The following SOX5 variants were observed in gnomAD, a reference collection of about 807,000 sequenced individuals.
SOX5 encodes the protein transcription factor SOX-5.
A neutral mutation model predicts 92.0 loss-of-function variants in SOX5; 9 were observed. The ratio of observed to expected loss-of-function variants is 0.10; its 90% CI spans 0.06 to 0.17. The LOEUF is 0.17. SOX5 is among the 10% of genes least tolerant of loss of function. SOX5 has a pLI of 1.00. For missense variants in SOX5, 642 were observed against 944.5 expected, an observed-to-expected ratio of 0.68 and a Z score of 4.20; for synonymous variants, 344 against 336.3, an observed-to-expected ratio of 1.02 and a Z score of -0.25.
At chr12:24,227,388 G>A (rs1310622617) in intron 3 of SOX5, 1 of 152,184 alleles carries the variant, frequency 6.6e-6, no homozygotes, top group African/African-American at 2.4e-5. Context: ...TACATGGGAG[G>A]TGAAATTTAC....
chr12:24,389,431 A>C (rs955170937), intron 1 of SOX5, among the ~76,000 whole-genome samples: 13 of 152,008 alleles, frequency 8.6e-5, no homozygotes, highest in Non-Finnish European at 1.9e-4. Context: ...TTTTTCATCA[A>C]CTTTTAAGTT....
At chr12:24,414,422 G>T (rs1007161256) in intron 1 of SOX5, among the ~76,000 whole-genome samples, 5 of 152,176 alleles carry the variant, frequency 3.3e-5, no homozygotes, top group Non-Finnish European at 7.3e-5. Flanking sequence ...TTATATTCCA[G>T]GGAAAAAGTT....
intron 4 of SOX5, among the ~76,000 whole-genome samples, chr12:24,117,036 G>A (rs1468668877): frequency 6.7e-6 from 1 of 150,220 alleles, no homozygotes; most frequent in Non-Finnish European, 1.5e-5. Flanking sequence ...CCCACGAGTT[G>A]AGAGAAAATA....
intron 1 of SOX5, among the ~76,000 whole-genome samples, chr12:24,407,162 CT>C (rs1286932404): frequency 2.0e-5 from 3 of 152,072 alleles, no homozygotes; most frequent in Non-Finnish European, 4.4e-5. Flanking sequence ...TAGCATGCCC[CT>C]ATGTGCCCAA....
intron 4 of SOX5, among the ~76,000 whole-genome samples, chr12:24,111,899 C>T (rs1358587349): frequency 6.6e-6 from 1 of 152,184 alleles, no homozygotes; most frequent in African/African-American, 2.4e-5. Flanking sequence ...GCCTTCTCTA[C>T]ATTCCTTCTT....
At chr12:24,108,902 T>C (rs916858400) in intron 4 of SOX5, among the ~76,000 whole-genome samples, 1 of 152,140 alleles carries the variant, frequency 6.6e-6, no homozygotes, top group African/African-American at 2.4e-5. Flanking sequence ...CTACTGATAT[T>C]GGGTTCATTA....
At chr12:24,346,553 G>C (rs1442476499) in intron 2 of SOX5, among the ~76,000 whole-genome samples, 1 of 150,736 alleles carries the variant, frequency 6.6e-6, no homozygotes, top group Non-Finnish European at 1.5e-5. Context: ...CCAGATTCAA[G>C]CAATTCTCCT....
chr12:23,976,409 A>C (rs1008080534), intron 4 of SOX5, among the ~76,000 whole-genome samples: 4 of 148,632 alleles, frequency 2.7e-5, no homozygotes, highest in East Asian at 2.0e-4. Flanking sequence ...AAAAAAACAA[A>C]AAAAAAAAAA....
intron 4 of SOX5, among the ~76,000 whole-genome samples, chr12:24,012,748 T>C (rs1953097585): frequency 6.6e-6 from 1 of 152,154 alleles, no homozygotes; most frequent in African/African-American, 2.4e-5. Context: ...ACCACTGTTT[T>C]AGGGCAGAAT....
chr12:24,404,832 A>T (rs970102776), intron 1 of SOX5, among the ~76,000 whole-genome samples: 1 of 152,082 alleles, frequency 6.6e-6, no homozygotes, highest in Non-Finnish European at 1.5e-5. Flanking sequence ...TCAGAATGTG[A>T]CCTTATTTGG....
At chr12:24,032,121 G>C (rs35939918) in intron 4 of SOX5, among the ~76,000 whole-genome samples, 7,643 of 151,884 alleles carry the variant, frequency 0.05, 259 homozygotes, top group Middle Eastern at 0.088. Flanking sequence ...ACTGGATTTG[G>C]TAACTGGTAA....
intron 4 of SOX5, among the ~76,000 whole-genome samples, chr12:24,143,259 A>T (rs1296594111): frequency 1.3e-5 from 2 of 152,192 alleles, no homozygotes; most frequent in Admixed American, 1.3e-4. Context: ...GAGTACAAAA[A>T]TATCTAGCAT....
intron 2 of SOX5, among the ~76,000 whole-genome samples, chr12:24,321,986 C>T (rs1950246489): frequency 6.6e-6 from 1 of 152,076 alleles, no homozygotes; most frequent in Non-Finnish European, 1.5e-5. Context: ...TCCTTCCCAC[C>T]AGACTATAAA....
chr12:24,254,322 A>AT (rs1024781590), intron 3 of SOX5, among the ~76,000 whole-genome samples: 7 of 151,838 alleles, frequency 4.6e-5, no homozygotes, highest in African/African-American at 1.7e-4. Flanking sequence ...ATTGCAATCC[A>AT]TTAGCACAGA....
At chr12:24,237,321 A>G (rs1411091865) in intron 3 of SOX5, among the ~76,000 whole-genome samples, 2 of 152,176 alleles carry the variant, frequency 1.3e-5, no homozygotes, top group African/African-American at 4.8e-5. Flanking sequence ...CCAATATCCT[A>G]CAACTTTTTG....
chr12:24,424,491 T>C (rs1487448293), intron 1 of SOX5, among the ~76,000 whole-genome samples: 1 of 152,108 alleles, frequency 6.6e-6, no homozygotes, highest in Non-Finnish European at 1.5e-5. Context: ...CAAGCACTTT[T>C]CCCCCGCAGG....
chr12:23,893,998 T>C (rs2137629295), intron 2 of SOX5, among the ~76,000 whole-genome samples: 1 of 152,314 alleles, frequency 6.6e-6, no homozygotes, highest in East Asian at 1.9e-4. Context: ...TTTGTAAGCA[T>C]GGACTCCAAA....
intron 1 of SOX5, among the ~76,000 whole-genome samples, chr12:24,455,604 A>T (rs1158120873): frequency 6.6e-6 from 1 of 152,212 alleles, no homozygotes; most frequent in Non-Finnish European, 1.5e-5. Context: ...TAACACCTCC[A>T]ACTATGTGCA....
Position 24,061,731 on chromosome 12 carries a change from C to G in SOX5, c.-2+151612G>C, listed in dbSNP as rs12810574. Among the ~76,000 whole-genome samples, 25 of 143,060 alleles carry G rather than the reference C, an allele frequency of 1.7e-4. No homozygotes were observed. In the East Asian group the frequency reaches 5.4e-3, roughly 31 times the overall value. The allele number at this position is 143,060 out of a possible 152,430, so 93.9% of individuals were successfully genotyped here. ...TTACATGATCACCATATACCTATTG[C>G]TTCAATATGACAGAAAAAAAAAAAA... On this transcript the variant is annotated intron_variant, in intron 4 of 4. Transcript: ENST00000446891.
Sources: allele counts gnomAD v4.1 joint callset (sites outside exome capture counted in the v4.1 genomes callset), GRCh38; gene constraint gnomAD v4.1.1; transcripts MANE v1.5; gene names NCBI Gene and HGNC (gene_info 2026-07-23, HGNC 2026-07-21).